C10orf90: variants seen among roughly 807,000 people sequenced by gnomAD.
C10orf90 encodes (E2-independent) E3 ubiquitin-conjugating enzyme FATS.
Under a neutral mutation model 62.5 loss-of-function variants are expected in C10orf90, and 56 were observed. That is an observed-to-expected ratio of 0.90 (90% CI 0.72 to 1.12). C10orf90 has a LOEUF of 1.12. C10orf90 is among the 50% of genes most tolerant of loss of function. The pLI is 0.00. For missense variants in C10orf90, 970 were observed against 880.4 expected, an observed-to-expected ratio of 1.10 and a Z score of -1.29; for synonymous variants, 386 against 340.4, an observed-to-expected ratio of 1.13 and a Z score of -1.47.
chr10:126,552,536 C>T (rs1186302472), intron 2 of C10orf90, among the ~76,000 whole-genome samples: 7 of 152,328 alleles, frequency 4.6e-5, no homozygotes, highest in Admixed American at 6.5e-5. Flanking sequence ...CAGGCGTTCT[C>T]GCTGCAAAGA....
intron 2 of C10orf90, among the ~76,000 whole-genome samples, chr10:126,556,338 G>C (rs941936028): frequency 6.6e-6 from 1 of 152,144 alleles, no homozygotes; most frequent in African/African-American, 2.4e-5. Flanking sequence ...TGCAAAGGGC[G>C]CTCCCTTCTC....
chr10:126,468,430 G>A (rs1033755615), intron 4 of C10orf90, among the ~76,000 whole-genome samples: 1 of 152,188 alleles, frequency 6.6e-6, no homozygotes, highest in Non-Finnish European at 1.5e-5. Flanking sequence ...TCCAGAGGAG[G>A]CTTCAGCAGG....
chr10:126,479,819 G>A (rs1466309973), intron 4 of C10orf90, among the ~76,000 whole-genome samples: 2 of 152,176 alleles, frequency 1.3e-5, no homozygotes, highest in African/African-American at 2.4e-5. Flanking sequence ...TAAACAAAAA[G>A]GAACCAGAGA....
chr10:126,511,207 A>G (rs543468459), intron 3 of C10orf90, among the ~76,000 whole-genome samples: 4 of 152,326 alleles, frequency 2.6e-5, no homozygotes, highest in Admixed American at 1.3e-4. Context: ...ACAAGGGAAG[A>G]CAGTTTGAAG....
intron 7 of C10orf90, among the ~76,000 whole-genome samples, chr10:126,448,804 G>C (rs1858967820): frequency 6.6e-6 from 1 of 152,062 alleles, no homozygotes; most frequent in South Asian, 2.1e-4. Flanking sequence ...AAATTCCTAA[G>C]AATATACATC....
chr10:126,569,035 G>A lies in C10orf90; in HGVS notation c.314-55096C>T, dbSNP rs372580972. On this transcript the variant is annotated intron_variant, in intron 2 of 9. Coordinates refer to ENST00000488181, the MANE Select transcript of C10orf90 (RefSeq NM_001350921.2). Reference sequence around the variant, plus strand: ...GGGGTGAAAGCAGGGGCAGCAGCCCGGGGGCAGGGTGCAGGGTGACGTCAG... The same window carrying A: ...GGGGTGAAAGCAGGGGCAGCAGCCCAGGGGCAGGGTGCAGGGTGACGTCAG... Among the ~76,000 whole-genome samples the A allele has an allele frequency of 1.5e-3, 230 of 152,214 alleles. 2 individuals are homozygous for A. The Middle Eastern group carries it at 0.024, about 16-fold the overall frequency.
intron 4 of C10orf90, 24 bp downstream of exon 4, chr10:126,503,933 C>A: frequency 6.3e-7 from 1 of 1,588,608 alleles, no homozygotes; most frequent in Non-Finnish European, 8.6e-7. Context: ...AGGTCACCCT[C>A]CTGCAGATGG....
intron 2 of C10orf90, among the ~76,000 whole-genome samples, chr10:126,519,413 TC>T (rs889113031): frequency 6.6e-6 from 1 of 152,154 alleles, no homozygotes; most frequent in African/African-American, 2.4e-5. Flanking sequence ...CATGAATCGA[TC>T]CACCCAAGAA....
At chr10:126,449,888 T>C (rs1258428235) in intron 7 of C10orf90, among the ~76,000 whole-genome samples, 1 of 151,624 alleles carries the variant, frequency 6.6e-6, no homozygotes, top group Non-Finnish European at 1.5e-5. Context: ...TTCCAGCTAC[T>C]TGGGAGGCTG....
intron 2 of C10orf90, among the ~76,000 whole-genome samples, chr10:126,572,962 T>C (rs575225959): frequency 1.8e-4 from 28 of 152,258 alleles, no homozygotes; most frequent in African/African-American, 6.3e-4. Context: ...ACTCTGTCTA[T>C]GGAGTAGCCA....
intron 2 of C10orf90, among the ~76,000 whole-genome samples, chr10:126,603,920 C>T (rs1845252452): frequency 6.6e-6 from 1 of 152,120 alleles, no homozygotes; most frequent in Admixed American, 6.5e-5. Context: ...GATTGCTTCA[C>T]CGCAAATCCA....
chr10:126,595,074 A>G (rs1213845219), intron 2 of C10orf90, among the ~76,000 whole-genome samples: 1 of 152,210 alleles, frequency 6.6e-6, no homozygotes. Flanking sequence ...GTGGCACCAT[A>G]GCACTCTCCC....
intron 2 of C10orf90, among the ~76,000 whole-genome samples, chr10:126,597,420 AG>A (rs1845109505): frequency 6.6e-6 from 1 of 152,246 alleles, no homozygotes; most frequent in Non-Finnish European, 1.5e-5. Flanking sequence ...TGATTGGGGC[AG>A]GGCAAGTGGA....
rs1280190851 is a variant in C10orf90, at chr10:126,425,682, G to T, written c.*182C>A. 1.1e-5 allele frequency: 7 copies of T among 633,378 alleles called. No homozygotes were observed. Among genetic ancestry groups the T allele is most frequent in the South Asian group, 2.1e-5 (1 of 47,794 alleles). 39.2% of individuals were successfully genotyped at this position (633,378 alleles called of 1,614,324 possible). A position where few individuals can be genotyped will look rare whatever the true frequency, so the allele number is the denominator to read the frequency against. Reference sequence around the variant, plus strand: ...AGATTGTTGACCTATTTTCTCGAGGGTTATTGTTTCTGTTTGGCTTGGGTC... The same window carrying T: ...AGATTGTTGACCTATTTTCTCGAGGTTTATTGTTTCTGTTTGGCTTGGGTC... On this transcript the variant is annotated 3_prime_UTR_variant, in exon 10 of 10. Transcript: ENST00000488181.
chr10:126,606,266 G>A (rs1016482321), intron 2 of C10orf90, among the ~76,000 whole-genome samples: 3 of 152,182 alleles, frequency 2.0e-5, no homozygotes, highest in Non-Finnish European at 4.4e-5. Context: ...GATGAATAAT[G>A]TCACCCTTGT....
chr10:126,573,077 A>G (rs1171430905), intron 2 of C10orf90, among the ~76,000 whole-genome samples: 1 of 152,148 alleles, frequency 6.6e-6, no homozygotes, highest in African/African-American at 2.4e-5. Flanking sequence ...AAAGGGCTTT[A>G]TTCAGCTGGG....
intron 7 of C10orf90, among the ~76,000 whole-genome samples, chr10:126,437,596 G>A (rs1323647318): frequency 6.6e-6 from 1 of 152,186 alleles, no homozygotes; most frequent in East Asian, 1.9e-4. Flanking sequence ...AGTTAAATTT[G>A]CCTTTCAGAT....
chr10:126,589,164 A>C (rs1360392022), intron 2 of C10orf90, among the ~76,000 whole-genome samples: 2 of 152,222 alleles, frequency 1.3e-5, no homozygotes, highest in African/African-American at 2.4e-5. Context: ...GAGAAAAAAT[A>C]ATGAAAAGGA....
chr10:126,438,119 T>G (rs1858039655), intron 7 of C10orf90, among the ~76,000 whole-genome samples: 1 of 152,128 alleles, frequency 6.6e-6, no homozygotes, highest in East Asian at 1.9e-4. Context: ...CGGAGACAGC[T>G]CCAGGCAAGG....
Sources: gnomAD v4.1 joint callset for allele counts (sites outside exome capture counted in the v4.1 genomes callset) on GRCh38, gnomAD v4.1.1 for gene constraint, MANE v1.5 for transcripts, NCBI Gene and HGNC (gene_info 2026-07-23, HGNC 2026-07-21) for gene names.